ATP7B: variants seen among roughly 807,000 people sequenced by gnomAD.
The protein encoded by ATP7B is ATPase copper transporting beta, also known as copper-transporting ATPase 2.
Under a neutral mutation model 118.9 loss-of-function variants are expected in ATP7B, and 113 were observed. The ratio of observed to expected loss-of-function variants is 0.95; its 90% CI spans 0.82 to 1.11. The LOEUF (loss-of-function observed/expected upper bound fraction) is 1.11, where lower values mean the gene tolerates loss of function less well. Among genes scored for constraint, ATP7B ranks in the 50% most tolerant of loss-of-function variants. The pLI, the probability that ATP7B is intolerant of heterozygous loss-of-function variation, is 0.00. For missense variants in ATP7B, 1,867 were observed against 1,871.4 expected, an observed-to-expected ratio of 1.00 and a Z score of 0.04; for synonymous variants, 777 against 727.4, an observed-to-expected ratio of 1.07 and a Z score of -1.10.
In ATP7B at chr13:51,934,288, A is replaced by G. The variant is rs1956838847; in HGVS notation, c.*468T>C. The G allele has an allele frequency of 3.7e-6, 1 of 267,128 alleles. No individual in the cohort carries two copies. Among genetic ancestry groups the G allele is most frequent in the Non-Finnish European group, 7.5e-6 (1 of 133,890 alleles). The allele number at this position is 267,128 out of a possible 1,614,324, so 16.5% of individuals were successfully genotyped here. ...TATGCAGGAAGAAAGCAACAGGCAC[A>G]CCTGAGGTAAACTGTGGTCTCAGAA... On this transcript the variant is annotated 3_prime_UTR_variant, in exon 21 of 21. Transcript: ENST00000242839.
At chr13:51,985,229 C>T (rs1342890529) in intron 1 of ATP7B, among the ~76,000 whole-genome samples, 1 of 152,050 alleles carries the variant, frequency 6.6e-6, no homozygotes, top group African/African-American at 2.4e-5. Flanking sequence ...GAAGATTTAC[C>T]AAGCAAATGG....
intron 1 of ATP7B, among the ~76,000 whole-genome samples, chr13:51,982,319 G>A (rs2140249137): frequency 6.6e-6 from 1 of 152,308 alleles, no homozygotes; most frequent in Non-Finnish European, 1.5e-5. Flanking sequence ...GGGTATGTCT[G>A]AGAGTTTTAA....
chr13:51,934,603 G>A lies in ATP7B; in HGVS notation c.*153C>T. 7.9e-7 allele frequency: 1 copy of A among 1,271,170 alleles called. No individual in the cohort carries two copies. The highest frequency in any genetic ancestry group is 1.3e-5 in the South Asian group (1 of 74,636). 78.7% of individuals were successfully genotyped at this position (1,271,170 alleles called of 1,614,324 possible). A position where few individuals can be genotyped will look rare whatever the true frequency, so the allele number is the denominator to read the frequency against. On this transcript the variant is annotated 3_prime_UTR_variant, in exon 21 of 21. Coordinates refer to ENST00000242839, the MANE Select transcript of ATP7B (RefSeq NM_000053.4). ...CCAAGCCCAGCTGCACCCAGACAAGGCCGCGTGCTGCAGGGCAGGATGACT... is the reference window on the plus strand; with the variant it reads ...CCAAGCCCAGCTGCACCCAGACAAGACCGCGTGCTGCAGGGCAGGATGACT...
rs1156360500 is a variant in ATP7B, at chr13:51,934,932, C to T, written c.4222G>A (p.Asp1408Asn). 6.2e-7 allele frequency: 1 copy of T among 1,614,042 alleles called. No individual in the cohort carries two copies. Among genetic ancestry groups the T allele is most frequent in the African/African-American group, 1.3e-5 (1 of 74,946 alleles). Residue 1408 changes from aspartate to asparagine, a missense_variant, in exon 21 of 21, where the codon GAC becomes AAC. By Grantham distance (23) the Asp-to-Asn change is conservative (BLOSUM62 1). Transcript: ENST00000242839. ...SQVSVHIGMD[D>N]RWRDSPRATP... is the part of the protein sequence containing the mutation. ...GCCCTGGGGGAGTCCCGCCACCTGT[C>T]ATCCATGCCTATGTGCACACTGACC... is the stretch of plus-strand genomic sequence containing the variant.
At chr13:51,951,264 G>GA (rs1035940114) in intron 9 of ATP7B, among the ~76,000 whole-genome samples, 2 of 152,002 alleles carry the variant, frequency 1.3e-5, no homozygotes, top group Non-Finnish European at 2.9e-5. Context: ...GTAAAGAAAG[G>GA]AATCAAAGAT....
At chr13:51,937,193 G>T in intron 19 of ATP7B, 83 bp downstream of exon 19, 1 of 1,352,346 alleles carries the variant, frequency 7.4e-7, no homozygotes, top group Non-Finnish European at 1.1e-6. Context: ...CAGTGAGTGA[G>T]CCACTCACTA....
chr13:51,957,715 A>G lies in ATP7B; in HGVS notation c.2356-108T>C. 3 of 1,056,098 alleles carry G rather than the reference A, an allele frequency of 2.8e-6. No individual in the cohort carries two copies. In the South Asian group the frequency reaches 3.8e-5, roughly 14 times the overall value. 65.4% of individuals were successfully genotyped at this position (1,056,098 alleles called of 1,614,324 possible). A position where few individuals can be genotyped will look rare whatever the true frequency, so the allele number is the denominator to read the frequency against. ...TAGAGACAGCTGGTGCGAGAGAAAC[A>G]GCCGCACGGCACGATAAAAGGCTCT... On this transcript the variant is annotated intron_variant, in intron 8 of 20. Transcript: ENST00000242839.
chr13:51,975,595 G>C (rs999459676), intron 1 of ATP7B: 2 of 511,426 alleles, frequency 3.9e-6, no homozygotes, highest in Non-Finnish European at 7.8e-6. Context: ...AGTCCTTTCA[G>C]CTCAAACTTT....
At chr13:51,958,123 G>A (rs1958472654) in intron 8 of ATP7B, 188 bp downstream of exon 8, 2 of 661,206 alleles carry the variant, frequency 3.0e-6, no homozygotes, top group Non-Finnish European at 5.2e-6. Flanking sequence ...CAGATTAGCT[G>A]GGATTTCAGA....
intron 9 of ATP7B, 25 bp downstream of exon 9, chr13:51,957,491 A>G: frequency 6.2e-7 from 1 of 1,601,222 alleles, no homozygotes; most frequent in South Asian, 1.1e-5. Context: ...ACCAACCACA[A>G]AGACATTTGA....
intron 5 of ATP7B, among the ~76,000 whole-genome samples, chr13:51,962,874 C>T (rs944226258): frequency 6.6e-6 from 1 of 151,994 alleles, no homozygotes; most frequent in Admixed American, 6.5e-5. Flanking sequence ...GGTGGATCAC[C>T]TGAGGTCAGG....
At chr13:52,011,191 C>A (rs1162020866) in intron 1 of ATP7B, 96 bp downstream of exon 1, 25 of 1,588,672 alleles carry the variant, frequency 1.6e-5, no homozygotes, top group Non-Finnish European at 2.2e-5. Context: ...GCCTTCCCTG[C>A]GCACCCCCTG....
rs540519345 is a variant in ATP7B at position 51,991,581 on chromosome 13, T to G, written c.52-16413A>C. On this transcript the variant is annotated intron_variant, in intron 1 of 20. Transcript: ENST00000242839. ...GAGTAAGGAGGCTTAAGCAGTTGTT[T>G]CTGGAAACAAAGGGTAATTCTGTAT... Among the ~76,000 whole-genome samples the G allele has an allele frequency of 3.3e-5, 5 of 152,270 alleles. No homozygotes were observed. In the East Asian group the frequency reaches 9.7e-4, roughly 29 times the overall value.
chr13:51,999,558 TA>T (rs1201110912), intron 1 of ATP7B, among the ~76,000 whole-genome samples: 1 of 152,162 alleles, frequency 6.6e-6, no homozygotes, highest in Non-Finnish European at 1.5e-5. Flanking sequence ...ACAATGGGAT[TA>T]TCGAAAAGTA....
In ATP7B at chr13:51,942,563, G is replaced by A. The variant is rs2138859863; in HGVS notation, c.3244-9C>T. 1.2e-6 allele frequency: 2 copies of A among 1,614,030 alleles called. No individual in the cohort carries two copies. Among genetic ancestry groups the A allele is most frequent in the Non-Finnish European group, 8.5e-7 (1 of 1,179,992 alleles). On this transcript the variant is annotated splice_polypyrimidine_tract_variant and intron_variant, in intron 14 of 20. Transcript: ENST00000242839. ...GTCTCTGTTCCAAGTTCCTGGGAAGGTGGAAAGAGAGGAAGAGGAAACTGT... is the reference window on the plus strand; with the variant it reads ...GTCTCTGTTCCAAGTTCCTGGGAAGATGGAAAGAGAGGAAGAGGAAACTGT...
chr13:51,966,675 T>G, intron 4 of ATP7B: 2 of 1,316,098 alleles, frequency 1.5e-6, no homozygotes, highest in Non-Finnish European at 1.1e-6. Flanking sequence ...AAAAGAACAC[T>G]ACAGACACAG....
At chr13:51,948,857 A>G (rs1819926003) in intron 12 of ATP7B, among the ~76,000 whole-genome samples, 1 of 152,136 alleles carries the variant, frequency 6.6e-6, no homozygotes, top group Admixed American at 6.5e-5. Flanking sequence ...CCTCACATAC[A>G]ATGTTTAGTA....
Position 51,934,913 on chromosome 13 carries a change from G to C in ATP7B, c.4241C>G (p.Pro1414Arg). The C allele has an allele frequency of 6.2e-7, 1 of 1,614,114 alleles. No homozygotes were observed. The highest frequency in any genetic ancestry group is 1.3e-5 in the African/African-American group (1 of 75,038). Residue 1414 changes from proline (P) to arginine (R), a missense_variant, in exon 21 of 21, where the codon CCC (proline) becomes CGC (arginine). Pro to Arg is a moderately radical substitution (Grantham distance 103). Transcript: ENST00000242839. ...GACCTGGTCCCATGGTGTGGCCCTG[G>C]GGGAGTCCCGCCACCTGTCATCCAT... The part of the protein sequence containing the change: ...IGMDDRWRDS[P>R]RATPWDQVSY...
intron 1 of ATP7B, among the ~76,000 whole-genome samples, chr13:51,986,725 G>A (rs1297122054): frequency 6.6e-6 from 1 of 152,172 alleles, no homozygotes; most frequent in Non-Finnish European, 1.5e-5. Flanking sequence ...CCATGATCAA[G>A]TCGGCTTCAT....
Sources: allele counts gnomAD v4.1 joint callset (sites outside exome capture counted in the v4.1 genomes callset), GRCh38; gene constraint gnomAD v4.1.1; transcripts MANE v1.5; gene names NCBI Gene and HGNC (gene_info 2026-07-23, HGNC 2026-07-21).